SNW1: variants seen among roughly 807,000 people sequenced by gnomAD.
SNW1 encodes SNW domain containing 1.
In SNW1, 9 loss-of-function variants were observed where a neutral mutation model predicts 75.6. That is an observed-to-expected ratio of 0.12 (90% confidence interval 0.07 to 0.21). The LOEUF (loss-of-function observed/expected upper bound fraction) is 0.21, where lower values mean the gene tolerates loss of function less well. Ranked by LOEUF, SNW1 falls within the 10% of genes least tolerant of loss-of-function variation. The probability of loss-of-function intolerance (pLI) is 1.00; values close to 1 mark genes in which losing one functional copy is unlikely to be tolerated. For missense variants in SNW1, 409 were observed against 670.9 expected, an observed-to-expected ratio of 0.61 and a Z score of 4.31; for synonymous variants, 200 against 219.1, an observed-to-expected ratio of 0.91 and a Z score of 0.77.
In SNW1 at chr14:77,717,694, AT is replaced by A; in HGVS notation, c.*393del. 1.3e-6 allele frequency: 1 copy of A among 775,102 alleles called. No individual in the cohort carries two copies. The highest frequency in any genetic ancestry group is 2.1e-6 in the Non-Finnish European group (1 of 479,778). 48.0% of individuals were successfully genotyped at this position (775,102 alleles called of 1,614,324 possible). ...TAAAACAGAGCACAATAGGGGCAAA[AT>A]TTATTTGGCAGGACAGTTCCAGTAT... On this transcript the variant is annotated 3_prime_UTR_variant, in exon 14 of 14. Transcript: ENST00000261531.
At chr14:77,738,737 A>T (rs779893427) in intron 5 of SNW1, 41 bp downstream of exon 5, 2 of 1,462,862 alleles carry the variant, frequency 1.4e-6, no homozygotes, top group East Asian at 4.5e-5. Context: ...AAGCTGAATC[A>T]AGTTCAGAAT....
intron 1 of SNW1, among the ~76,000 whole-genome samples, 195 bp from the exon 2 acceptor site, chr14:77,755,315 T>C (rs776157956): frequency 5.3e-5 from 8 of 152,162 alleles, no homozygotes; most frequent in Non-Finnish European, 4.4e-5. Context: ...TACTCAAAGA[T>C]ACACAGTAAA....
chr14:77,734,522 A>G (rs2080654367), intron 8 of SNW1, among the ~76,000 whole-genome samples: 1 of 152,256 alleles, frequency 6.6e-6, no homozygotes, highest in South Asian at 2.1e-4. Context: ...GGCGGATCAC[A>G]AGGTCGGGAG....
intron 7 of SNW1, among the ~76,000 whole-genome samples, chr14:77,735,365 A>G (rs781027231): frequency 7.9e-5 from 12 of 152,082 alleles, no homozygotes; most frequent in Non-Finnish European, 1.6e-4. Context: ...GGCTCACCAC[A>G]ACCTCCGCCT....
chr14:77,751,838 A>ACACACACAC (rs962881056), intron 2 of SNW1, among the ~76,000 whole-genome samples: 210 of 124,770 alleles, frequency 1.7e-3, no homozygotes, highest in Admixed American at 3.5e-3. Context: ...ACACACACAC[A>ACACACACAC]CACACACCAC....
chr14:77,759,964 TA>T (rs578016821), intron 1 of SNW1, among the ~76,000 whole-genome samples: 14 of 145,706 alleles, frequency 9.6e-5, no homozygotes, highest in East Asian at 4.0e-4. Flanking sequence ...AAAATAAAGT[TA>T]AAAAAAAAAG....
At position 77,738,995 on chromosome 14, in the gene SNW1, G is replaced by T. The variant is rs200799500; in HGVS notation, c.397C>A (p.Gln133Lys). The T allele has an allele frequency of 6.2e-7, 1 of 1,613,950 alleles. No individual in the cohort carries two copies. Among genetic ancestry groups the T allele is most frequent in the African/African-American group, 1.3e-5 (1 of 74,908 alleles). The change falls in exon 4 of 14, where the codon CAA (glutamine) becomes AAA (lysine). Residue 133 changes from glutamine to lysine, a missense_variant. Gln to Lys is a moderately conservative substitution (Grantham distance 53). Around this residue, in one of 9 missense-constraint regions of SNW1, gnomAD observed 70 missense variants for 136.7 expected, o/e 0.51. Transcript: ENST00000261531. The part of the protein sequence containing the change: ...EVMNADDPDL[Q>K]RPDEEAIKEI... ...TTAATAGCTTCTTCATCGGGCCTTT[G>T]CAGGTCTGGATCATCTGCATTCATA...
intron 10 of SNW1, among the ~76,000 whole-genome samples, chr14:77,727,598 G>A (rs1306035829): frequency 1.3e-5 from 2 of 152,064 alleles, no homozygotes; most frequent in Non-Finnish European, 2.9e-5. Flanking sequence ...TATCATGAAG[G>A]GATGTTGAAT....
intron 3 of SNW1, among the ~76,000 whole-genome samples, chr14:77,746,910 C>T (rs1301302096): frequency 1.3e-5 from 2 of 151,556 alleles, no homozygotes; most frequent in African/African-American, 2.4e-5. Context: ...CCCCTCCCCC[C>T]TTCTGTGCAC....
chr14:77,725,996 C>CT lies in SNW1; in HGVS notation c.1034-2720dup, dbSNP rs201688255. Among the ~76,000 whole-genome samples the CT allele has an allele frequency of 7.6e-3, 1,159 of 152,266 alleles. 25 individuals carry two copies. Among genetic ancestry groups the CT allele is most frequent in the Non-Finnish European group, 5.0e-3 (342 of 68,016 alleles). On this transcript the variant is annotated intron_variant, in intron 10 of 13. Coordinates refer to ENST00000261531, the MANE Select transcript of SNW1 (RefSeq NM_012245.3). ...TATTCTGTTCCACTGGTCTATGTGT[C>CT]TGTTTTTATGGCAGTACCATGCTGC...
At chr14:77,742,311 C>T (rs1469158574) in intron 3 of SNW1, among the ~76,000 whole-genome samples, 1 of 152,178 alleles carries the variant, frequency 6.6e-6, no homozygotes, top group African/African-American at 2.4e-5. Context: ...GCTGGGATTA[C>T]AGGCGTGAGC....
chr14:77,737,757 G>T (rs1595082442), intron 5 of SNW1, among the ~76,000 whole-genome samples: 1 of 152,004 alleles, frequency 6.6e-6, no homozygotes. Flanking sequence ...TTGGGAGGCC[G>T]AGGTGGGCAG....
At chr14:77,744,987 A>G (rs1176830216) in intron 3 of SNW1, among the ~76,000 whole-genome samples, 2 of 152,202 alleles carry the variant, frequency 1.3e-5, no homozygotes, top group Non-Finnish European at 2.9e-5. Context: ...GTGTTATACA[A>G]TGGAAACCAC....
Position 77,723,284 on chromosome 14 carries a change from G to T in SNW1, c.1034-7C>A. On this transcript the variant is annotated splice_polypyrimidine_tract_variant and splice_region_variant and intron_variant, in intron 10 of 13. Coordinates refer to ENST00000261531, the MANE Select transcript of SNW1 (RefSeq NM_012245.3). ...TCACGTGCCTCCCCATCCTCTGTGT[G>T]AACAGTTGAAAAGTACTTCACTGTA... The T allele has an allele frequency of 6.2e-7, 1 of 1,605,600 alleles. No homozygotes were observed.
Position 77,717,975 on chromosome 14 carries a change from G to T in SNW1, c.*113C>A. 2.2e-6 allele frequency: 2 copies of T among 904,478 alleles called. No homozygotes were observed. The highest frequency in any genetic ancestry group is 3.3e-6 in the Non-Finnish European group (2 of 597,538). 56.0% of individuals were successfully genotyped at this position (904,478 alleles called of 1,614,324 possible). A position where few individuals can be genotyped will look rare whatever the true frequency, so the allele number is the denominator to read the frequency against. On this transcript the variant is annotated 3_prime_UTR_variant, in exon 14 of 14. Transcript: ENST00000261531. ...CTCCAGTAATAAAAAGTAGTGCTGGGATCTGGCACCCAGATTTGGTTTTTA... is the reference window on the plus strand; with the variant it reads ...CTCCAGTAATAAAAAGTAGTGCTGGTATCTGGCACCCAGATTTGGTTTTTA...
At chr14:77,748,549 ATACTT>A (rs2080782550) in intron 3 of SNW1, among the ~76,000 whole-genome samples, 1 of 152,098 alleles carries the variant, frequency 6.6e-6, no homozygotes, top group Non-Finnish European at 1.5e-5. Context: ...CTTGTGATAT[ATACTT>A]ATGGTATCTT....
intron 3 of SNW1, among the ~76,000 whole-genome samples, chr14:77,747,775 G>A (rs528657206): frequency 6.7e-6 from 1 of 150,186 alleles, no homozygotes; most frequent in African/African-American, 2.4e-5. Context: ...TGCCTGGCCA[G>A]CCGCCCTGTC....
intron 3 of SNW1, among the ~76,000 whole-genome samples, chr14:77,749,000 T>C (rs1419360288): frequency 6.6e-6 from 1 of 152,140 alleles, no homozygotes; most frequent in African/African-American, 2.4e-5. Context: ...GTTACAGAAA[T>C]AGCAGGTAGA....
intron 3 of SNW1, among the ~76,000 whole-genome samples, chr14:77,750,823 T>C (rs978384078): frequency 1.3e-5 from 2 of 152,216 alleles, no homozygotes; most frequent in African/African-American, 4.8e-5. Context: ...AGTTTTGTAC[T>C]TAATCTAGGG....
Sources: gnomAD v4.1 joint callset for allele counts (sites outside exome capture counted in the v4.1 genomes callset) on GRCh38, gnomAD v4.1.1 for gene constraint, gnomAD v4.1.1 regional missense constraint, MANE v1.5 for transcripts, NCBI Gene and HGNC (gene_info 2026-07-23, HGNC 2026-07-21) for gene names.